Variants in TMCC2 observed in about 807,000 individuals in gnomAD.
TMCC2 encodes the protein transmembrane and coiled-coil domains protein 2.
TMCC2 carries 16 observed loss-of-function variants against 49.4 expected under a neutral mutation model. The observed-to-expected ratio is 0.32, with a 90% confidence interval of 0.22 to 0.49. The LOEUF is 0.49. Among genes scored for constraint, TMCC2 ranks in the 20% least tolerant of loss-of-function variants. TMCC2 has a pLI of 0.99. For synonymous variants in TMCC2, 397 were observed against 434.1 expected (o/e 0.91, Z 1.06); for missense variants, 762 against 989.8 (o/e 0.77, Z 3.09).
chr1:205,234,436 A>T (rs1196565068), intron 1 of TMCC2, among the ~76,000 whole-genome samples: 2 of 152,016 alleles, frequency 1.3e-5, no homozygotes, highest in African/African-American at 2.4e-5. Flanking sequence ...ACAGAGCGAG[A>T]CTCTGTCTCA....
At position 205,256,347 on chromosome 1, in the gene TMCC2, C is replaced by A. The variant is rs777933022; in HGVS notation, c.748-12603C>A. 1.0e-5 allele frequency: 16 copies of A among 1,550,700 alleles called. No individual in the cohort carries two copies. In the South Asian group the frequency reaches 1.9e-4, roughly 18 times the overall value. On this transcript the variant is annotated intron_variant, in intron 2 of 4. Coordinates refer to ENST00000358024, the MANE Select transcript of TMCC2 (RefSeq NM_014858.4). Reference sequence around the variant, plus strand: ...GTCCTCAGCTGTGGACCTCTGTCCCCCTCTGCTGGCCACTCACAGAATTTC... The same window carrying A: ...GTCCTCAGCTGTGGACCTCTGTCCCACTCTGCTGGCCACTCACAGAATTTC...
At chr1:205,232,434 T>A (rs564916553) in intron 1 of TMCC2, among the ~76,000 whole-genome samples, 1 of 152,342 alleles carries the variant, frequency 6.6e-6, no homozygotes, top group Non-Finnish European at 1.5e-5. Flanking sequence ...TCGATTCATT[T>A]GTCCTTATTG....
intron 2 of TMCC2, chr1:205,257,265 G>A (rs994739727): frequency 8.1e-7 from 1 of 1,232,260 alleles, no homozygotes; most frequent in Non-Finnish European, 1.0e-6. Flanking sequence ...GCTGCCCAGG[G>A]TCTGTGACCC....
intron 3 of TMCC2, 130 bp from the exon 4 acceptor site, chr1:205,270,990 A>T: frequency 1.6e-6 from 2 of 1,286,468 alleles, no homozygotes; most frequent in Non-Finnish European, 2.1e-6. Context: ...TGTTAAAATT[A>T]GAACAGAGCA....
chr1:205,266,145 G>T (rs1001122725), intron 2 of TMCC2, among the ~76,000 whole-genome samples: 1 of 151,362 alleles, frequency 6.6e-6, no homozygotes, highest in Admixed American at 6.6e-5. Context: ...GGAGGCCGAG[G>T]CAGGAGAATG....
At chr1:205,266,240 C>CAAAAAAAA (rs35034505) in intron 2 of TMCC2, among the ~76,000 whole-genome samples, 1 of 49,280 alleles carries the variant, frequency 2.0e-5, no homozygotes, top group African/African-American at 7.4e-5. Context: ...GACTCTGTCT[C>CAAAAAAAA]AAAAAAAAAA....
rs752525297 is a variant in TMCC2 at position 205,246,681 on chromosome 1, A to G, written c.747+4637A>G. ...TCTGCATGTAGAGGCAGCCAGGCCCACCTCTCATGGGTGAGTCAATGAATA... is the reference window on the plus strand; with the variant it reads ...TCTGCATGTAGAGGCAGCCAGGCCCGCCTCTCATGGGTGAGTCAATGAATA... On this transcript the variant is annotated intron_variant, in intron 2 of 4. Transcript: ENST00000358024. The G allele has an allele frequency of 7.1e-6, 11 of 1,550,228 alleles. No individual in the cohort carries two copies. The South Asian group carries it at 1.1e-4, about 15-fold the overall frequency.
Position 205,228,521 on chromosome 1 carries a change from G to A in TMCC2, c.-44G>A, listed in dbSNP as rs1200472224. 4 of 1,551,778 alleles carry A rather than the reference G, an allele frequency of 2.6e-6. No homozygotes were observed. The South Asian group carries it at 4.7e-5, about 18-fold the overall frequency. On this transcript the variant is annotated 5_prime_UTR_variant, in exon 1 of 5. Transcript: ENST00000358024. The stretch of plus-strand genomic sequence containing the variant: ...GAGGGGGTGCGGTCTTCCCCAAGAC[G>A]GCGCGCTGGAAGGACAGATTCCCCT...
intron 1 of TMCC2, among the ~76,000 whole-genome samples, chr1:205,231,341 G>C (rs912816544): frequency 6.6e-6 from 1 of 151,990 alleles, no homozygotes; most frequent in African/African-American, 2.4e-5. Context: ...CTGTCACTCA[G>C]GCTAGAGTGC....
chr1:205,259,193 CT>C (rs11344770), intron 2 of TMCC2, among the ~76,000 whole-genome samples: 41,557 of 148,440 alleles, frequency 0.28, 7,090 homozygotes, highest in Non-Finnish European at 0.39. Flanking sequence ...TTTTCTTTGT[CT>C]TTTTTTTTTT....
chr1:205,246,712 T>A (rs1293866042), intron 2 of TMCC2: 1 of 1,549,018 alleles, frequency 6.5e-7, no homozygotes, highest in South Asian at 1.2e-5. Context: ...GAATACATTT[T>A]AAAAATCAAA....
Position 205,241,387 on chromosome 1 carries a change from A to G in TMCC2, c.208-118A>G. 4 of 1,137,006 alleles carry G rather than the reference A, an allele frequency of 3.5e-6. No homozygotes were observed. Among genetic ancestry groups the G allele is most frequent in the Non-Finnish European group, 3.7e-6 (3 of 805,328 alleles). 70.4% of individuals were successfully genotyped at this position (1,137,006 alleles called of 1,614,324 possible). On this transcript the variant is annotated intron_variant, in intron 1 of 4. Coordinates refer to ENST00000358024, the MANE Select transcript of TMCC2 (RefSeq NM_014858.4). The surrounding 1 kb of genome is among the most constrained non-coding windows in gnomAD (Gnocchi z 7.3). The stretch of plus-strand genomic sequence containing the variant: ...CCATCCACAGAGATCTTCCAGGTTC[A>G]GATGGCTGCATTAGCTATGCCAGTC...
At chr1:205,249,183 T>C (rs1189597703) in intron 2 of TMCC2, among the ~76,000 whole-genome samples, 2 of 152,164 alleles carry the variant, frequency 1.3e-5, no homozygotes, top group Non-Finnish European at 2.9e-5. Context: ...GGCCTCATGG[T>C]GTTATCTCCA....
At chr1:205,243,563 A>G (rs1193277567) in intron 2 of TMCC2, among the ~76,000 whole-genome samples, 4 of 152,200 alleles carry the variant, frequency 2.6e-5, no homozygotes, top group Non-Finnish European at 5.9e-5. Context: ...TGAGAAAGTG[A>G]ATAGGAGGCA....
At chr1:205,256,448 GT>G (rs1216221567) in intron 2 of TMCC2, 33 of 1,547,778 alleles carry the variant, frequency 2.1e-5, no homozygotes, top group Non-Finnish European at 2.9e-5. Flanking sequence ...TATCTTGGGT[GT>G]TTTTGCCAGG....
At chr1:205,230,216 T>G in intron 1 of TMCC2, 1 of 972,354 alleles carries the variant, frequency 1.0e-6, no homozygotes, top group Non-Finnish European at 1.2e-6. Flanking sequence ...TCTGTGTGCC[T>G]TGGGGAGGAG....
intron 2 of TMCC2, among the ~76,000 whole-genome samples, chr1:205,253,167 T>A (rs1660735493): frequency 6.6e-6 from 1 of 151,062 alleles, no homozygotes; most frequent in Non-Finnish European, 1.5e-5. Flanking sequence ...AAGATGATTT[T>A]AAAAGGGCAG....
rs1221855203 is a variant in TMCC2, at chr1:205,241,067, G to A, written c.208-438G>A. On this transcript the variant is annotated intron_variant, in intron 1 of 4. Coordinates refer to ENST00000358024, the MANE Select transcript of TMCC2 (RefSeq NM_014858.4). This position sits in a 1 kb window ranked among gnomAD's most constrained non-coding sequence, Gnocchi z 7.3. Reference sequence around the variant, plus strand: ...TTGGAATTAGGCAACTTTGGAAATCGATGCTTGGTGGCCTGAAAGAACTAG... The same window carrying A: ...TTGGAATTAGGCAACTTTGGAAATCAATGCTTGGTGGCCTGAAAGAACTAG... 6.6e-6 allele frequency among the ~76,000 whole-genome samples: 1 copy of A among 152,170 alleles called. No homozygotes were observed. Among genetic ancestry groups the A allele is most frequent in the Non-Finnish European group, 1.5e-5 (1 of 68,040 alleles).
At chr1:205,258,619 C>T (rs1047619811) in intron 2 of TMCC2, among the ~76,000 whole-genome samples, 3 of 152,158 alleles carry the variant, frequency 2.0e-5, no homozygotes, top group Non-Finnish European at 4.4e-5. Context: ...GGCAGAGAGC[C>T]ACCAGCCCCA....
Sources: allele counts gnomAD v4.1 joint callset (sites outside exome capture counted in the v4.1 genomes callset), GRCh38; gene constraint gnomAD v4.1.1; non-coding constraint Gnocchi (gnomAD v3.1); transcripts MANE v1.5; gene names NCBI Gene and HGNC (gene_info 2026-07-23, HGNC 2026-07-21).